FBXO9: variants seen among roughly 807,000 people sequenced by gnomAD.
FBXO9 encodes F-box protein 9, also known as F-box only protein 9.
Under a neutral mutation model 63.7 loss-of-function variants are expected in FBXO9, and 43 were observed. That is an observed-to-expected ratio of 0.67 (90% CI 0.53 to 0.87). The LOEUF (loss-of-function observed/expected upper bound fraction) is 0.87. FBXO9 is among the 40% of genes least tolerant of loss of function. The pLI, the probability that FBXO9 is intolerant of heterozygous loss-of-function variation, is 0.00. For missense variants in FBXO9, 442 were observed against 533.2 expected (o/e 0.83, Z 1.68); for synonymous variants, 156 against 171.7 (o/e 0.91, Z 0.72).
At position 53,073,495 on chromosome 6, in the gene FBXO9, G is replaced by A. The variant is rs766065276; in HGVS notation, c.105G>A (p.Met35Ile). 3.1e-6 allele frequency: 5 copies of A among 1,613,712 alleles called. No individual in the cohort carries two copies. Among genetic ancestry groups the A allele is most frequent in the Middle Eastern group, 1.6e-4 (1 of 6,062 alleles). ...AETDLQAQLQ[M>I]FRAQWMFELA... The stretch of plus-strand genomic sequence containing the variant: ...TCTCCCCATAGGCACAACTCCAGAT[G>A]TTCCGAGCTCAGTGGATGTTTGAAC... Residue 35 changes from methionine to isoleucine, a missense_variant, in exon 3 of 13, where the codon ATG (methionine) becomes ATA (isoleucine). Coordinates refer to ENST00000323557, the MANE Select transcript of FBXO9 (RefSeq NM_033480.3).
rs532145831 is a variant in FBXO9 at position 53,086,020 on chromosome 6, A to G, written c.653+3402A>G. Among the ~76,000 whole-genome samples the G allele has an allele frequency of 7.9e-5, 12 of 152,312 alleles. No homozygotes were observed. The East Asian group carries it at 1.9e-3, about 25-fold the overall frequency. ...CAAAATTAGCCGGGCGTGGTGGCTCATGCCTATAATCCCAGATACTTGGGA... is the reference window on the plus strand; with the variant it reads ...CAAAATTAGCCGGGCGTGGTGGCTCGTGCCTATAATCCCAGATACTTGGGA... On this transcript the variant is annotated intron_variant, in intron 7 of 12. Coordinates refer to ENST00000323557, the MANE Select transcript of FBXO9 (RefSeq NM_033480.3).
intron 7 of FBXO9, chr6:53,091,105 C>A (rs1281588063): frequency 2.0e-5 from 3 of 152,094 alleles, no homozygotes; most frequent in African/African-American, 7.2e-5. Context: ...GTAGTAAACT[C>A]CAAGGAGCTG....
chr6:53,088,926 G>GTT (rs756720917), intron 7 of FBXO9, among the ~76,000 whole-genome samples: 9 of 129,152 alleles, frequency 7.0e-5, no homozygotes, highest in East Asian at 6.9e-4. Flanking sequence ...TTCTTTCTTT[G>GTT]TTTTTTTTTT....
intron 7 of FBXO9, chr6:53,092,166 C>T (rs965061729): frequency 2.9e-6 from 1 of 348,904 alleles, no homozygotes; most frequent in Admixed American, 4.4e-5. Context: ...CCTATTTCCT[C>T]ACCACCATCA....
chr6:53,093,486 A>C lies in FBXO9; in HGVS notation c.884A>C (p.Asp295Ala). ...CATAGGTACATAAGATTCTTTCCTG[A>C]TGGCCATGTGATGATGTTGACAACC... is the stretch of plus-strand genomic sequence containing the variant. ...EYYRYIRFFP[D>A]GHVMMLTTPE... Residue 295 changes from aspartate to alanine, a missense_variant, in exon 10 of 13, where the codon GAT (aspartate) becomes GCT (alanine). Physicochemically the swap from Asp to Ala is moderately radical, Grantham distance 126. This residue lies in a region of FBXO9 where 262 missense variants were observed against 362.1 expected (regional missense o/e 0.72). Coordinates refer to ENST00000323557, the MANE Select transcript of FBXO9 (RefSeq NM_033480.3). 6.2e-7 allele frequency: 1 copy of C among 1,613,402 alleles called. No homozygotes were observed. Among genetic ancestry groups the C allele is most frequent in the Non-Finnish European group, 8.5e-7 (1 of 1,179,548 alleles).
intron 7 of FBXO9, among the ~76,000 whole-genome samples, chr6:53,083,823 A>G (rs1325098898): frequency 3.3e-5 from 5 of 152,184 alleles, no homozygotes; most frequent in Non-Finnish European, 7.3e-5. Flanking sequence ...CCTTTTGATC[A>G]GTATCTTTCT....
rs1032693222 is a variant in FBXO9, at chr6:53,070,017, CTTTTTTTT to C, written c.4-1024_4-1017del. On this transcript the variant is annotated intron_variant, in intron 1 of 12. Coordinates refer to ENST00000323557, the MANE Select transcript of FBXO9 (RefSeq NM_033480.3). ...AATAATATTTTTCTTTTCTTTTTTC[CTTTTTTTT>C]TTTTTTTTTTTTTTTATGATGGGGT... Among the ~76,000 whole-genome samples, 42 of 109,366 alleles carry C rather than the reference CTTTTTTTT, an allele frequency of 3.8e-4. No homozygotes were observed. In the East Asian group the frequency reaches 0.011, roughly 28 times the overall value. 71.7% of individuals were successfully genotyped at this position (109,366 alleles called of 152,430 possible). A position where few individuals can be genotyped will look rare whatever the true frequency, so the allele number is the denominator to read the frequency against.
rs76942839 is a variant in FBXO9, at chr6:53,092,478, T to G, written c.703T>G (p.Cys235Gly). ...LACLKVWGRS[C>G]IKLVPYTSWR... ...CTGCTTGAAAGTTTGGGGCAGAAGC[T>G]GTATTAAACTTGTTCCGTACACGTC... The change falls in exon 8 of 13, where the codon TGT (cysteine) becomes GGT (glycine). Residue 235 changes from cysteine (C) to glycine (G), a missense_variant. Around this residue, in one of 2 missense-constraint regions of FBXO9, gnomAD observed 262 missense variants for 362.1 expected, o/e 0.72. Transcript: ENST00000323557. 67 of 1,614,024 alleles carry G rather than the reference T, an allele frequency of 4.2e-5. No individual in the cohort carries two copies. The East Asian group carries it at 1.5e-3, about 36-fold the overall frequency.
intron 9 of FBXO9, 148 bp from the exon 10 acceptor site, chr6:53,093,318 T>C (rs1763100609): frequency 7.7e-6 from 4 of 519,014 alleles, no homozygotes; most frequent in Non-Finnish European, 1.4e-5. Flanking sequence ...GTCAGTAATA[T>C]TTGTTTTAAT....
Position 53,097,705 on chromosome 6 carries a change from G to T in FBXO9, c.1206-17G>T, listed in dbSNP as rs1364789108. Reference sequence around the variant, plus strand: ...GAAATTTCCTCATACTAGTAATTTTGTGCTTTTTTTTTACAGATCAACTGG... The same window carrying T: ...GAAATTTCCTCATACTAGTAATTTTTTGCTTTTTTTTTACAGATCAACTGG... On this transcript the variant is annotated splice_polypyrimidine_tract_variant and intron_variant, in intron 12 of 12. Coordinates refer to ENST00000323557, the MANE Select transcript of FBXO9 (RefSeq NM_033480.3). 3 of 1,509,402 alleles carry T rather than the reference G, an allele frequency of 2.0e-6. No individual in the cohort carries two copies. The highest frequency in any genetic ancestry group is 2.7e-6 in the Non-Finnish European group (3 of 1,098,950). The allele number at this position is 1,509,402 out of a possible 1,614,324, so 93.5% of individuals were successfully genotyped here.
At position 53,092,762 on chromosome 6, in the gene FBXO9, T is replaced by G. The variant is rs1170032388; in HGVS notation, c.801T>G (p.Ile267Met). ...DGVYISKTTY[I>M]RQGEQSLDGF... ...TGTATATCAGTAAAACCACATATAT[T>G]CGTCAAGGGGAACAGTCTCTTGATG... is the stretch of plus-strand genomic sequence containing the variant. The change falls in exon 9 of 13, where the codon ATT (isoleucine) becomes ATG (methionine). Residue 267 changes from isoleucine (I) to methionine (M), a missense_variant. Ile to Met is a conservative substitution (Grantham distance 10). Around this residue, in one of 2 missense-constraint regions of FBXO9, gnomAD observed 262 missense variants for 362.1 expected, o/e 0.72. Transcript: ENST00000323557. 22 of 1,612,100 alleles carry G rather than the reference T, an allele frequency of 1.4e-5. No homozygotes were observed. The highest frequency in any genetic ancestry group is 1.8e-5 in the Non-Finnish European group (21 of 1,178,962).
At chr6:53,072,591 A>G (rs986371601) in intron 2 of FBXO9, among the ~76,000 whole-genome samples, 1 of 152,230 alleles carries the variant, frequency 6.6e-6, no homozygotes, top group Non-Finnish European at 1.5e-5. Context: ...GCAATACCCA[A>G]AAGGGCTGAC....
intron 3 of FBXO9, among the ~76,000 whole-genome samples, chr6:53,073,935 G>A (rs1162490574): frequency 6.6e-6 from 1 of 151,898 alleles, no homozygotes; most frequent in African/African-American, 2.4e-5. Flanking sequence ...TAAAAGATTG[G>A]TGTCTCTGAA....
chr6:53,079,084 TTAAACAGATACAAAAA>T (rs563824960), intron 5 of FBXO9, among the ~76,000 whole-genome samples, 186 bp downstream of exon 5: 236 of 152,228 alleles, frequency 1.6e-3, no homozygotes, highest in African/African-American at 4.1e-3. Context: ...AATGCACCTT[TTAAACAGATACAAAAA>T]TAAACAGATA....
intron 11 of FBXO9, 59 bp downstream of exon 11, chr6:53,094,037 A>C: frequency 9.7e-7 from 1 of 1,035,452 alleles, no homozygotes; most frequent in Non-Finnish European, 1.4e-6. Context: ...TCATCCAAGC[A>C]GTCTCGATTA....
Position 53,068,388 on chromosome 6 carries a change from A to C in FBXO9, c.3+2596A>C, listed in dbSNP as rs547994201. On this transcript the variant is annotated intron_variant, in intron 1 of 12. Transcript: ENST00000323557. Reference sequence around the variant, plus strand: ...GGATAAAATTAAAGTCATCTGATTGAAACCTTTATTAGGCTCCAAGTCACA... The same window carrying C: ...GGATAAAATTAAAGTCATCTGATTGCAACCTTTATTAGGCTCCAAGTCACA... Among the ~76,000 whole-genome samples, 6 of 152,304 alleles carry C rather than the reference A, an allele frequency of 3.9e-5. No individual in the cohort carries two copies. In the South Asian group the frequency reaches 1.2e-3, roughly 32 times the overall value.
In FBXO9 at chr6:53,092,736, G is replaced by T; in HGVS notation, c.775G>T (p.Val259Leu). 6.2e-7 allele frequency: 1 copy of T among 1,603,448 alleles called. No individual in the cohort carries two copies. Among genetic ancestry groups the T allele is most frequent in the Non-Finnish European group, 8.5e-7 (1 of 1,172,374 alleles). The change falls in exon 9 of 13, where the codon GTG becomes TTG. Residue 259 changes from valine (V) to leucine (L), a missense_variant and splice_region_variant. Val to Leu is a conservative substitution (Grantham distance 32, BLOSUM62 1). Around this residue, in one of 2 missense-constraint regions of FBXO9, gnomAD observed 262 missense variants for 362.1 expected, o/e 0.72. Coordinates refer to ENST00000323557, the MANE Select transcript of FBXO9 (RefSeq NM_033480.3). Reference sequence around the variant, plus strand: ...ACTTTTTAAAATTATTTTCATAGGCGTGTATATCAGTAAAACCACATATAT... The same window carrying T: ...ACTTTTTAAAATTATTTTCATAGGCTTGTATATCAGTAAAACCACATATAT... ...LERPRVRFDG[V>L]YISKTTYIRQ...
rs539214502 is a variant in FBXO9, at chr6:53,095,510, C to T, written c.1054-3C>T. The T allele has an allele frequency of 1.1e-4, 169 of 1,603,544 alleles. No homozygotes were observed. In the South Asian group the frequency reaches 1.8e-3, roughly 17 times the overall value. On this transcript the variant is annotated splice_region_variant and splice_polypyrimidine_tract_variant and intron_variant, in intron 11 of 12. Coordinates refer to ENST00000323557, the MANE Select transcript of FBXO9 (RefSeq NM_033480.3). ...TATAACTTATGCATCTTTTCTTTTG[C>T]AGAAACCACTTGACTATAAATACAG... is the stretch of plus-strand genomic sequence containing the variant.
At chr6:53,097,685 T>G in intron 12 of FBXO9, 37 bp from the exon 13 acceptor site, 1 of 1,233,062 alleles carries the variant, frequency 8.1e-7, no homozygotes, top group Non-Finnish European at 1.2e-6. Context: ...GAATTGAAAT[T>G]TCCTCATACT....
Sources: gnomAD v4.1 joint callset for allele counts (sites outside exome capture counted in the v4.1 genomes callset) on GRCh38, gnomAD v4.1.1 for gene constraint, gnomAD v4.1.1 regional missense constraint, MANE v1.5 for transcripts, NCBI Gene and HGNC (gene_info 2026-07-23, HGNC 2026-07-21) for gene names.